The following MXRA7 variants were observed in gnomAD, a reference collection of about 807,000 sequenced individuals.
MXRA7 encodes matrix remodeling associated 7.
MXRA7 carries 18 observed loss-of-function variants against 17.4 expected under a neutral mutation model. The observed-to-expected ratio is 1.03, with a 90% confidence interval of 0.71 to 1.53. The LOEUF is 1.53. Among genes scored for constraint, MXRA7 ranks in the 40% most tolerant of loss-of-function variants. The pLI is 0.00. For missense variants in MXRA7, 141 were observed against 209.3 expected, an observed-to-expected ratio of 0.67 and a Z score of 2.01; for synonymous variants, 70 against 101.7, an observed-to-expected ratio of 0.69 and a Z score of 1.87.
In MXRA7 at chr17:76,695,893, GA is replaced by G. The variant is rs532780902; in HGVS notation, c.343-7718del. 3.1e-3 allele frequency among the ~76,000 whole-genome samples: 469 copies of G among 152,212 alleles called. 2 individuals are homozygous for G. The highest frequency in any genetic ancestry group is 0.011 in the African/African-American group (455 of 41,528). On this transcript the variant is annotated intron_variant, in intron 1 of 3. Transcript: ENST00000449428. ...GGATCATTTGAGGCCAGGAGTTCAA[GA>G]CCAGCTTGGCCAACACGGTGAGACC... is the stretch of plus-strand genomic sequence containing the variant.
chr17:76,677,713 G>C, downstream of MXRA7: 1 of 1,603,548 alleles, frequency 6.2e-7, no homozygotes, highest in Non-Finnish European at 8.5e-7. Flanking sequence ...CTGTCGAGAA[G>C]AAAGGACAAA....
chr17:76,683,488 A>G (rs1258334293), intron 3 of MXRA7, among the ~76,000 whole-genome samples: 1 of 152,210 alleles, frequency 6.6e-6, no homozygotes, highest in Non-Finnish European at 1.5e-5. Context: ...TCATCTTCTC[A>G]GGGTGAGACC....
In MXRA7 at chr17:76,695,353, G is replaced by GGTGTGTGTGTGTGT. The variant is rs71158054; in HGVS notation, c.343-7191_343-7178dup. On this transcript the variant is annotated intron_variant, in intron 1 of 3. Coordinates refer to ENST00000449428, the MANE Select transcript of MXRA7 (RefSeq NM_198530.4). The stretch of plus-strand genomic sequence containing the variant: ...TGCAAGGGGTGGCTCTTTAGCTTCA[G>GGTGTGTGTGTGTGT]GTGTGTGTGTGTGTGTGTGTGTGTG... Among the ~76,000 whole-genome samples the GGTGTGTGTGTGTGT allele has an allele frequency of 2.5e-3, 363 of 148,098 alleles. 3 individuals are homozygous for GGTGTGTGTGTGTGT. Among genetic ancestry groups the GGTGTGTGTGTGTGT allele is most frequent in the African/African-American group, 8.0e-3 (321 of 40,020 alleles).
In MXRA7 at chr17:76,703,143, C is replaced by T. The variant is rs558293784; in HGVS notation, c.342+7462G>A. Among the ~76,000 whole-genome samples, 50 of 151,984 alleles carry T rather than the reference C, an allele frequency of 3.3e-4. No homozygotes were observed. In the South Asian group the frequency reaches 8.3e-3, roughly 25 times the overall value. On this transcript the variant is annotated intron_variant, in intron 1 of 3. Coordinates refer to ENST00000449428, the MANE Select transcript of MXRA7 (RefSeq NM_198530.4). ...GCAAGATTTATCTCAGACTCTGAGT[C>T]CTCAGCAAATAAGAATCAGGCCAGG...
At chr17:76,701,159 C>A (rs981217307) in intron 1 of MXRA7, among the ~76,000 whole-genome samples, 1 of 151,662 alleles carries the variant, frequency 6.6e-6, no homozygotes, top group African/African-American at 2.4e-5. Context: ...GTGGGGAGGA[C>A]GGGAAACAGG....
rs147605035 is a variant in MXRA7, at chr17:76,708,356, C to T, written c.342+2249G>A. ...CGCTGCTCCCCAGGGCAGTGACTTCCGAGCTAACAGCAGGTGGAGTTGCCC... is the reference window on the plus strand; with the variant it reads ...CGCTGCTCCCCAGGGCAGTGACTTCTGAGCTAACAGCAGGTGGAGTTGCCC... On this transcript the variant is annotated intron_variant, in intron 1 of 3. Coordinates refer to ENST00000449428, the MANE Select transcript of MXRA7 (RefSeq NM_198530.4). Among the ~76,000 whole-genome samples, 30 of 152,306 alleles carry T rather than the reference C, an allele frequency of 2.0e-4. 1 individual carries two copies. The highest frequency in any genetic ancestry group is 6.0e-4 in the African/African-American group (25 of 41,584).
intron 1 of MXRA7, among the ~76,000 whole-genome samples, chr17:76,707,946 A>G (rs535817558): frequency 6.6e-6 from 1 of 152,176 alleles, no homozygotes; most frequent in Non-Finnish European, 1.5e-5. Context: ...GCTAATCCTT[A>G]GGAGAGAAAA....
chr17:76,703,431 G>A lies in MXRA7; in HGVS notation c.342+7174C>T, dbSNP rs2076618130. Among the ~76,000 whole-genome samples the A allele has an allele frequency of 7.9e-5, 12 of 152,036 alleles. No homozygotes were observed. The South Asian group carries it at 2.5e-3, about 32-fold the overall frequency. ...GAGCTCAGCAGTTTGAGACCAACCT[G>A]CAACATGGCGAAACTCCATCTCTAC... On this transcript the variant is annotated intron_variant, in intron 1 of 3. Transcript: ENST00000449428.
chr17:76,704,675 T>G (rs1409381424), intron 1 of MXRA7, among the ~76,000 whole-genome samples: 1 of 150,786 alleles, frequency 6.6e-6, no homozygotes, highest in Non-Finnish European at 1.5e-5. Context: ...ATCCCAGCTA[T>G]TTGGGAGGCT....
At chr17:76,688,074 A>G (rs1404140772) in intron 2 of MXRA7, 39 bp downstream of exon 2, 3 of 1,593,026 alleles carry the variant, frequency 1.9e-6, no homozygotes, top group East Asian at 2.3e-5. Context: ...CACCCCCGAC[A>G]CTGTCAGGCC....
chr17:76,683,686 C>G (rs2076343152), intron 3 of MXRA7, among the ~76,000 whole-genome samples: 1 of 152,204 alleles, frequency 6.6e-6, no homozygotes, highest in Admixed American at 6.5e-5. Context: ...GCCAGAGATT[C>G]CTCGTGCTTG....
intron 1 of MXRA7, among the ~76,000 whole-genome samples, chr17:76,702,620 C>T (rs114854553): frequency 0.021 from 3,253 of 152,064 alleles, 116 homozygotes; most frequent in East Asian, 0.13. Flanking sequence ...GAGGCCAAGG[C>T]GAATGCATTG....
chr17:76,685,571 C>T (rs774496775), intron 2 of MXRA7, among the ~76,000 whole-genome samples: 34 of 152,214 alleles, frequency 2.2e-4, no homozygotes, highest in Non-Finnish European at 4.6e-4. Context: ...CATCCCCCCA[C>T]CCCCTGTGGC....
chr17:76,674,776 C>T (rs1464584667), downstream of MXRA7: 1 of 152,258 alleles, frequency 6.6e-6, no homozygotes, highest in African/African-American at 2.4e-5. Context: ...TTGGTTGAAA[C>T]ATGGGCACGT....
At chr17:76,682,664 G>T (rs2143580492) in intron 3 of MXRA7, among the ~76,000 whole-genome samples, 1 of 152,102 alleles carries the variant, frequency 6.6e-6, no homozygotes. Context: ...ACCACATGCA[G>T]GGGGGCAGAG....
intron 3 of MXRA7, among the ~76,000 whole-genome samples, chr17:76,682,755 G>A (rs945771211): frequency 1.3e-5 from 2 of 152,170 alleles, no homozygotes; most frequent in African/African-American, 4.8e-5. Flanking sequence ...GGGAATGAAC[G>A]TGAACTCCAG....
intron 1 of MXRA7, among the ~76,000 whole-genome samples, chr17:76,707,540 G>A (rs1383324018): frequency 6.6e-6 from 1 of 152,076 alleles, no homozygotes; most frequent in Non-Finnish European, 1.5e-5. Flanking sequence ...CTGACCTCAG[G>A]TGATCCTCCT....
intron 2 of MXRA7, among the ~76,000 whole-genome samples, chr17:76,686,175 C>G (rs554827833): frequency 6.2e-4 from 94 of 152,220 alleles, no homozygotes; most frequent in African/African-American, 2.0e-3. Flanking sequence ...GTTCTAGATG[C>G]GAATTCAGAA....
intron 3 of MXRA7, among the ~76,000 whole-genome samples, chr17:76,683,167 C>A (rs1302998612): frequency 1.3e-5 from 2 of 152,218 alleles, no homozygotes; most frequent in East Asian, 1.9e-4. Context: ...GTCCAGCCCC[C>A]TCTAGCCTCT....
Sources: gnomAD v4.1 joint callset for allele counts (sites outside exome capture counted in the v4.1 genomes callset) on GRCh38, gnomAD v4.1.1 for gene constraint, MANE v1.5 for transcripts, NCBI Gene and HGNC (gene_info 2026-07-23, HGNC 2026-07-21) for gene names.